The following DDX3X variants were observed in gnomAD, a reference collection of about 807,000 sequenced individuals.
The protein encoded by DDX3X is DEAD-box helicase 3 X-linked.
A neutral mutation model predicts 52.7 loss-of-function variants in DDX3X; 4 were observed. That is an observed-to-expected ratio of 0.08 (90% confidence interval 0.04 to 0.17). The LOEUF is 0.17. DDX3X is among the 10% of genes least tolerant of loss of function. The pLI, the probability that DDX3X is intolerant of heterozygous loss-of-function variation, is 1.00. For missense variants in DDX3X, 222 were observed against 548.6 expected (o/e 0.40, Z 5.95); for synonymous variants, 192 against 178.1 (o/e 1.08, Z -0.62).
downstream of DDX3X, chrX:41,350,276 T>C (rs1331773964): frequency 8.9e-6 from 1 of 112,536 alleles, no homozygotes; most frequent in Non-Finnish European, 1.9e-5. Context: ...CCTGAAAAAT[T>C]GTAAAATGTT....
intron 6 of DDX3X, 189 bp from the exon 7 acceptor site, chrX:41,343,027 G>C: frequency 6.7e-6 from 4 of 595,181 alleles, no homozygotes; most frequent in Non-Finnish European, 7.8e-6. Flanking sequence ...GTCAAACATA[G>C]GAACAACCCA....
At chrX:41,362,182 G>T (rs1294039798) in intron 5 of DDX3X, among the ~76,000 whole-genome samples, 1 of 104,589 alleles carries the variant, frequency 9.6e-6, no homozygotes, top group South Asian at 4.4e-4. Flanking sequence ...TCTGCCTCCT[G>T]GGTTCAAGCA....
intron 5 of DDX3X, among the ~76,000 whole-genome samples, chrX:41,355,702 T>C (rs2064006152): frequency 1.9e-5 from 2 of 103,696 alleles, no homozygotes; most frequent in Non-Finnish European, 3.9e-5. Context: ...CAGTCTTGAA[T>C]TTCTGGGCTC....
In DDX3X at chrX:41,345,640, A is replaced by G. The variant is rs753564178; in HGVS notation, c.1315+92A>G. On this transcript the variant is annotated intron_variant, in intron 12 of 16. Coordinates refer to ENST00000644876, the MANE Select transcript of DDX3X (RefSeq NM_001356.5). ...AGGGGTTATTCACAGGTGTGATCTC[A>G]TTACTGATCAGCATGGGAGTATTTG... The G allele has an allele frequency of 2.2e-4, 175 of 780,396 alleles. 2 individuals carry two copies. In the South Asian group the frequency reaches 4.5e-3, roughly 20 times the overall value. 64.3% of individuals were successfully genotyped at this position (780,396 alleles called of 1,213,427 possible). A position where few individuals can be genotyped will look rare whatever the true frequency, so the allele number is the denominator to read the frequency against.
intron 2 of DDX3X, chrX:41,338,187 T>C (rs2147342138): frequency 9.0e-6 from 1 of 110,767 alleles, no homozygotes; most frequent in Non-Finnish European, 1.9e-5. Context: ...ATAAGGGCAA[T>C]AGACCCTTAT....
intron 4 of DDX3X, 107 bp downstream of exon 4, chrX:41,341,723 T>C: frequency 1.2e-6 from 1 of 819,761 alleles, no homozygotes; most frequent in Admixed American, 3.0e-5. Flanking sequence ...TTGGTCATTG[T>C]ATTTTCTTAG....
rs1401600770 is a variant in DDX3X at position 41,345,201 on chromosome X, T to C, written c.1047T>C (p.Ala349=). Residue 349 remains alanine (A), a synonymous_variant, in exon 11 of 17, where the codon GCT becomes GCC. Transcript: ENST00000644876. The part of the protein sequence containing the change: ...DFCKYLVLDE[A]DRMLDMGFEP... ...ACAGATACTTGGTGTTAGATGAAGCTGATCGGATGTTGGATATGGGGTTTG... is the reference window on the plus strand; with the variant it reads ...ACAGATACTTGGTGTTAGATGAAGCCGATCGGATGTTGGATATGGGGTTTG... 4 of 1,211,234 alleles carry C rather than the reference T, an allele frequency of 3.3e-6. No individual in the cohort carries two copies. Among genetic ancestry groups the C allele is most frequent in the Non-Finnish European group, 4.5e-6 (4 of 895,175 alleles).
rs2063874927 is a variant in DDX3X at position 41,343,200 on chromosome X, T to C, written c.544-16T>C. 6 of 1,202,869 alleles carry C rather than the reference T, an allele frequency of 5.0e-6. No individual in the cohort carries two copies. In the East Asian group the frequency reaches 8.9e-5, roughly 18 times the overall value. ...GCTCTAGATAGCATTCCTAACCCCA[T>C]TGAATTTCTTAACAGTTCAGTGATG... On this transcript the variant is annotated splice_polypyrimidine_tract_variant and intron_variant, in intron 6 of 16. Transcript: ENST00000644876.
At chrX:41,333,546 C>A (rs994587130), upstream of DDX3X, 2 of 109,474 alleles carry the variant, frequency 1.8e-5, no homozygotes, top group African/African-American at 6.7e-5. Flanking sequence ...GCACGCGACA[C>A]CTACGGTCAC....
At chrX:41,338,220 C>T (rs1468523241) in intron 2 of DDX3X, 1 of 110,696 alleles carries the variant, frequency 9.0e-6, no homozygotes, top group Non-Finnish European at 1.9e-5. Flanking sequence ...TCTCTTCCTA[C>T]TTATTAAAAC....
chrX:41,338,604 T>C (rs2063805032), intron 2 of DDX3X: 1 of 112,252 alleles, frequency 8.9e-6, no homozygotes, highest in Non-Finnish European at 1.9e-5. Flanking sequence ...TGTTTATTTA[T>C]TGTATGTTTT....
In DDX3X at chrX:41,345,399, T is replaced by C. The variant is rs752856267; in HGVS notation, c.1171-5T>C. The C allele has an allele frequency of 8.3e-7, 1 of 1,198,846 alleles. No homozygotes were observed. The highest frequency in any genetic ancestry group is 1.9e-5 in the South Asian group (1 of 53,969). ...AGGTAATAATAAAAATTTTTTTTCT[T>C]TCAGATGCTGGCTCGTGATTTCTTA... On this transcript the variant is annotated splice_region_variant and splice_polypyrimidine_tract_variant and intron_variant, in intron 11 of 16. Transcript: ENST00000644876.
chrX:41,344,680 C>T (rs2063899111), intron 10 of DDX3X: 3 of 336,461 alleles, frequency 8.9e-6, no homozygotes, highest in Non-Finnish European at 1.1e-5. Flanking sequence ...TCAGGTGATC[C>T]GCCTGCCTTG....
chrX:41,350,568 A>G (rs185944551), downstream of DDX3X: 1 of 111,693 alleles, frequency 9.0e-6, no homozygotes, highest in East Asian at 2.8e-4. Flanking sequence ...TGAGCAGGAT[A>G]AAAGTCAAGT....
intron 14 of DDX3X, 65 bp downstream of exon 14, chrX:41,346,687 C>G (rs2063929937): frequency 2.0e-6 from 2 of 988,238 alleles, no homozygotes; most frequent in South Asian, 4.5e-5. Flanking sequence ...AAAGAACTTG[C>G]TAGGATCTAA....
chrX:41,345,668 C>T, intron 12 of DDX3X, 120 bp downstream of exon 12: 1 of 654,554 alleles, frequency 1.5e-6, no homozygotes, highest in Non-Finnish European at 2.3e-6. Flanking sequence ...AGTATTTGAC[C>T]TGCTCTGTTT....
intron 5 of DDX3X, among the ~76,000 whole-genome samples, chrX:41,360,776 G>A (rs2064026652): frequency 9.1e-6 from 1 of 110,089 alleles, no homozygotes; most frequent in African/African-American, 3.3e-5. Context: ...TCTTCTATTT[G>A]TTTCTCAGGA....
chrX:41,350,626 A>T (rs917250357), downstream of DDX3X: 29 of 111,379 alleles, frequency 2.6e-4, no homozygotes, highest in African/African-American at 9.1e-4. Context: ...TAGGGAAGGA[A>T]TCAAGACTAT....
Position 41,347,368 on chromosome X carries a change from G to A in DDX3X, c.1826G>A (p.Ser609Asn). Residue 609 changes from serine (S) to asparagine (N), a missense_variant, in exon 16 of 17, where the codon AGC becomes AAC. This residue lies in a region of DDX3X where 38 missense variants were observed against 52.0 expected (regional missense o/e 0.73). Transcript: ENST00000644876. ...ARDYRQSSGA[S>N]SSSFSSSRAS... is the part of the protein sequence containing the mutation. ...GACTACCGACAAAGTAGCGGTGCCA[G>A]CAGTTCCAGCTTCAGCAGCAGCCGC... 1 of 1,211,883 alleles carries A rather than the reference G, an allele frequency of 8.3e-7. No homozygotes were observed. The highest frequency in any genetic ancestry group is 1.7e-5 in the African/African-American group (1 of 57,895).
Sources: allele counts gnomAD v4.1 joint callset (sites outside exome capture counted in the v4.1 genomes callset), GRCh38; gene constraint gnomAD v4.1.1; regional missense constraint gnomAD v4.1.1; transcripts MANE v1.5; gene names NCBI Gene and HGNC (gene_info 2026-07-23, HGNC 2026-07-21).